SNX24: variants seen among roughly 807,000 people sequenced by gnomAD.
SNX24 encodes the protein sorting nexin-24.
In SNX24, 22 loss-of-function variants were observed where a neutral mutation model predicts 28.7. That is an observed-to-expected ratio of 0.77 (90% confidence interval 0.55 to 1.10). The LOEUF (loss-of-function observed/expected upper bound fraction) is 1.10, where lower values mean the gene tolerates loss of function less well. Among genes scored for constraint, SNX24 ranks in the 50% least tolerant of loss-of-function variants. The pLI is 0.00. For synonymous variants in SNX24, 69 were observed against 71.5 expected (o/e 0.96, Z 0.18); for missense variants, 221 against 201.1 (o/e 1.10, Z -0.60).
At chr5:122,900,603 A>G (rs1035893938) in intron 1 of SNX24, among the ~76,000 whole-genome samples, 1 of 152,070 alleles carries the variant, frequency 6.6e-6, no homozygotes, top group Admixed American at 6.5e-5. Flanking sequence ...CCCCATCACT[A>G]CAAAAAATAT....
intron 1 of SNX24, among the ~76,000 whole-genome samples, chr5:122,868,233 C>T (rs570531488): frequency 6.6e-6 from 1 of 152,192 alleles, no homozygotes; most frequent in South Asian, 2.1e-4. Flanking sequence ...GCCTTTAGGG[C>T]CTGCTTGGGT....
chr5:122,916,268 A>G (rs1457636458), intron 1 of SNX24, among the ~76,000 whole-genome samples: 1 of 152,186 alleles, frequency 6.6e-6, no homozygotes, highest in African/African-American at 2.4e-5. Flanking sequence ...TTCTGATTGC[A>G]TGAGGAAAAT....
intron 1 of SNX24, among the ~76,000 whole-genome samples, chr5:122,906,393 T>G (rs901863708): frequency 2.6e-5 from 4 of 152,238 alleles, no homozygotes; most frequent in African/African-American, 7.2e-5. Context: ...TTGAATCAAT[T>G]TTTTGTTTCC....
chr5:123,024,527 C>A (rs1291753425), intron 5 of SNX24, among the ~76,000 whole-genome samples: 1 of 152,150 alleles, frequency 6.6e-6, no homozygotes, highest in Non-Finnish European at 1.5e-5. Flanking sequence ...CTAATGTAAC[C>A]CCAGCCCCCC....
chr5:123,015,690 C>T (rs1476411576), intron 5 of SNX24, among the ~76,000 whole-genome samples: 5 of 152,008 alleles, frequency 3.3e-5, no homozygotes, highest in Admixed American at 3.3e-4. Context: ...GTTTGAGAAC[C>T]ACAGTCCTAG....
At chr5:122,993,018 A>AT (rs1761919106) in intron 3 of SNX24, among the ~76,000 whole-genome samples, 1 of 126,392 alleles carries the variant, frequency 7.9e-6, no homozygotes, top group African/African-American at 3.0e-5. Context: ...CTTTGCACAG[A>AT]TTCATTATTA....
At chr5:122,989,818 A>G (rs1761755643) in intron 3 of SNX24, among the ~76,000 whole-genome samples, 1 of 152,220 alleles carries the variant, frequency 6.6e-6, no homozygotes, top group African/African-American at 2.4e-5. Flanking sequence ...GATTCATTTC[A>G]ATGTTAGATT....
chr5:123,001,573 T>C (rs1762248066), intron 5 of SNX24, 136 bp downstream of exon 5: 11 of 690,158 alleles, frequency 1.6e-5, no homozygotes, highest in Non-Finnish European at 2.7e-5. Context: ...AAATATTTGA[T>C]AGGGAATTAC....
intron 3 of SNX24, among the ~76,000 whole-genome samples, chr5:122,959,842 G>C (rs1191696127): frequency 6.6e-6 from 1 of 152,024 alleles, no homozygotes; most frequent in Admixed American, 6.6e-5. Flanking sequence ...GGTTTTGATA[G>C]GCAAAAGAAA....
intron 3 of SNX24, among the ~76,000 whole-genome samples, chr5:122,995,166 G>A (rs961302621): frequency 1.3e-5 from 2 of 152,148 alleles, no homozygotes; most frequent in African/African-American, 4.8e-5. Flanking sequence ...TTCATACTAT[G>A]TCACTTTTAC....
intron 1 of SNX24, among the ~76,000 whole-genome samples, chr5:122,927,194 G>C (rs1758737468): frequency 6.6e-6 from 1 of 152,302 alleles, no homozygotes; most frequent in Non-Finnish European, 1.5e-5. Flanking sequence ...GCTTGTACAG[G>C]TTAAACAACT....
chr5:122,916,866 C>T (rs1196184445), intron 1 of SNX24, among the ~76,000 whole-genome samples: 1 of 152,130 alleles, frequency 6.6e-6, no homozygotes, highest in African/African-American at 2.4e-5. Context: ...CTGTCATGGT[C>T]TTCTTTCTGA....
intron 1 of SNX24, among the ~76,000 whole-genome samples, chr5:122,931,572 G>C (rs185702542): frequency 2.6e-5 from 4 of 152,054 alleles, no homozygotes; most frequent in Admixed American, 1.3e-4. Flanking sequence ...AATATTTGGT[G>C]CATCTTGTTC....
chr5:122,862,684 TG>T (rs779383629), intron 1 of SNX24, among the ~76,000 whole-genome samples: 129 of 148,412 alleles, frequency 8.7e-4, no homozygotes, highest in Middle Eastern at 7.1e-3. Flanking sequence ...AAACAAGGCA[TG>T]TTTTTTTTTT....
At chr5:122,907,976 T>C (rs1273747066) in intron 1 of SNX24, among the ~76,000 whole-genome samples, 3 of 152,100 alleles carry the variant, frequency 2.0e-5, no homozygotes, top group Non-Finnish European at 4.4e-5. Context: ...GGTATATTTG[T>C]CAGGACAGAT....
chr5:122,972,934 A>G (rs560192513), intron 3 of SNX24, among the ~76,000 whole-genome samples: 4 of 152,178 alleles, frequency 2.6e-5, no homozygotes, highest in Non-Finnish European at 5.9e-5. Context: ...GTGTAAGTCC[A>G]TGTTGCTGAG....
chr5:122,860,715 G>A (rs1015474086), intron 1 of SNX24, among the ~76,000 whole-genome samples: 1 of 152,036 alleles, frequency 6.6e-6, no homozygotes. Flanking sequence ...TCCTGCCTCA[G>A]CCTCCCTAGT....
At chr5:122,943,533 G>A (rs1442666597) in intron 2 of SNX24, among the ~76,000 whole-genome samples, 1 of 152,160 alleles carries the variant, frequency 6.6e-6, no homozygotes, top group Non-Finnish European at 1.5e-5. Context: ...GTGAGGCTCG[G>A]GGCCCTCTTC....
chr5:122,985,834 T>C (rs565445027), intron 3 of SNX24, among the ~76,000 whole-genome samples: 197 of 152,358 alleles, frequency 1.3e-3, no homozygotes, highest in Admixed American at 3.1e-3. Flanking sequence ...ATTCTGCCTC[T>C]GGAACAACCC....
Sources: gnomAD v4.1 joint callset for allele counts (sites outside exome capture counted in the v4.1 genomes callset) on GRCh38, gnomAD v4.1.1 for gene constraint, MANE v1.5 for transcripts, NCBI Gene and HGNC (gene_info 2026-07-23, HGNC 2026-07-21) for gene names.